Variants in SLC24A3 observed in about 807,000 individuals in gnomAD.
SLC24A3 encodes the protein solute carrier family 24 member 3.
In SLC24A3, 28 loss-of-function variants were observed where a neutral mutation model predicts 75.8. That is an observed-to-expected ratio of 0.37 (90% CI 0.27 to 0.51). SLC24A3 has a LOEUF of 0.51. Among genes scored for constraint, SLC24A3 ranks in the 20% least tolerant of loss-of-function variants. The pLI is 0.94. For missense variants in SLC24A3, 663 were observed against 847.8 expected (o/e 0.78, Z 2.71); for synonymous variants, 372 against 334.1 (o/e 1.11, Z -1.24).
chr20:19,610,590 G>A (rs573633094), intron 6 of SLC24A3, among the ~76,000 whole-genome samples: 4 of 152,178 alleles, frequency 2.6e-5, no homozygotes, highest in African/African-American at 4.8e-5. Flanking sequence ...AATTTATTTG[G>A]GATAGGATCC....
intron 2 of SLC24A3, among the ~76,000 whole-genome samples, chr20:19,428,348 C>T (rs1987047460): frequency 6.6e-6 from 1 of 152,190 alleles, no homozygotes; most frequent in African/African-American, 2.4e-5. Context: ...ACTCAATCGA[C>T]ACCGTGTTAA....
intron 2 of SLC24A3, among the ~76,000 whole-genome samples, chr20:19,353,058 G>A (rs2122327891): frequency 6.6e-6 from 1 of 152,342 alleles, no homozygotes; most frequent in Admixed American, 6.5e-5. Flanking sequence ...GTGCTATACA[G>A]GTTTGTAGCC....
At chr20:19,262,273 C>T (rs1411912547) in intron 1 of SLC24A3, among the ~76,000 whole-genome samples, 3 of 151,378 alleles carry the variant, frequency 2.0e-5, no homozygotes, top group Non-Finnish European at 4.4e-5. Context: ...GGCGTGGTGG[C>T]GGGCGCCTGT....
At chr20:19,334,520 A>G (rs1985081510) in intron 2 of SLC24A3, among the ~76,000 whole-genome samples, 1 of 152,110 alleles carries the variant, frequency 6.6e-6, no homozygotes, top group Admixed American at 6.6e-5. Flanking sequence ...CATCTTTTTC[A>G]CTGGTAAAGT....
At chr20:19,601,125 T>C (rs962221935) in intron 6 of SLC24A3, among the ~76,000 whole-genome samples, 1 of 152,244 alleles carries the variant, frequency 6.6e-6, no homozygotes, top group Non-Finnish European at 1.5e-5. Context: ...AATAGGGTTG[T>C]TGTGGTGTTG....
chr20:19,622,864 A>T (rs1315158728), intron 6 of SLC24A3, among the ~76,000 whole-genome samples: 4 of 152,192 alleles, frequency 2.6e-5, no homozygotes, highest in Non-Finnish European at 5.9e-5. Context: ...TCATGGAGGA[A>T]GGAGAAGGAG....
At chr20:19,341,507 G>A (rs768614007) in intron 2 of SLC24A3, among the ~76,000 whole-genome samples, 4 of 152,256 alleles carry the variant, frequency 2.6e-5, no homozygotes, top group East Asian at 1.9e-4. Context: ...TAAAGCCTGC[G>A]CTGTAACACC....
At chr20:19,613,557 C>T (rs2031698791) in intron 6 of SLC24A3, among the ~76,000 whole-genome samples, 1 of 152,134 alleles carries the variant, frequency 6.6e-6, no homozygotes, top group African/African-American at 2.4e-5. Context: ...CATCTATTCC[C>T]CGTTTTAATC....
At chr20:19,445,216 T>G (rs979784535) in intron 2 of SLC24A3, among the ~76,000 whole-genome samples, 11 of 152,216 alleles carry the variant, frequency 7.2e-5, no homozygotes, top group Non-Finnish European at 1.6e-4. Context: ...TATTTCTAAA[T>G]ATAACCACTG....
chr20:19,416,892 C>G (rs1004721232), intron 2 of SLC24A3, among the ~76,000 whole-genome samples: 2 of 152,130 alleles, frequency 1.3e-5, no homozygotes, highest in Non-Finnish European at 2.9e-5. Context: ...TGCCACCAGT[C>G]GTATAGCAAA....
chr20:19,608,429 A>G (rs915919176), intron 6 of SLC24A3, among the ~76,000 whole-genome samples: 3 of 152,238 alleles, frequency 2.0e-5, no homozygotes, highest in Non-Finnish European at 4.4e-5. Context: ...CAAGATCCCA[A>G]TGCATCATTC....
intron 15 of SLC24A3, among the ~76,000 whole-genome samples, chr20:19,713,622 C>G (rs536867850): frequency 2.3e-4 from 35 of 152,118 alleles, no homozygotes; most frequent in African/African-American, 8.2e-4. Flanking sequence ...GGTTCCTACC[C>G]TTGCGGTGTC....
chr20:19,543,266 G>A (rs187808305), intron 3 of SLC24A3, among the ~76,000 whole-genome samples: 11 of 152,284 alleles, frequency 7.2e-5, no homozygotes, highest in Admixed American at 2.0e-4. Flanking sequence ...TAATCCTCAC[G>A]TGGGTGTTAC....
chr20:19,658,788 C>A (rs368609824), intron 7 of SLC24A3, among the ~76,000 whole-genome samples: 1 of 152,136 alleles, frequency 6.6e-6, no homozygotes, highest in African/African-American at 2.4e-5. Flanking sequence ...AGAGCCCTTC[C>A]TTGTGCCCAT....
At chr20:19,323,834 C>T (rs1484355183) in intron 2 of SLC24A3, among the ~76,000 whole-genome samples, 2 of 152,192 alleles carry the variant, frequency 1.3e-5, no homozygotes, top group African/African-American at 4.8e-5. Context: ...TGTTCCTTTC[C>T]ATTACTCAGT....
At chr20:19,351,511 T>C (rs867411820) in intron 2 of SLC24A3, among the ~76,000 whole-genome samples, 30 of 152,298 alleles carry the variant, frequency 2.0e-4, no homozygotes, top group African/African-American at 7.2e-4. Context: ...TTGGAGAGCT[T>C]TTCCAATTTT....
At chr20:19,458,176 C>A (rs528169390) in intron 2 of SLC24A3, among the ~76,000 whole-genome samples, 4 of 152,092 alleles carry the variant, frequency 2.6e-5, no homozygotes. Flanking sequence ...AAGCTCCCCC[C>A]TCACATGCAC....
chr20:19,561,607 A>G (rs139966303), intron 3 of SLC24A3, among the ~76,000 whole-genome samples: 15 of 152,248 alleles, frequency 9.9e-5, no homozygotes, highest in African/African-American at 3.4e-4. Flanking sequence ...ATCCACTTCT[A>G]CTCAGTTGGT....
intron 9 of SLC24A3, among the ~76,000 whole-genome samples, chr20:19,676,828 T>C (rs1193621577): frequency 6.6e-6 from 1 of 152,196 alleles, no homozygotes; most frequent in Admixed American, 6.5e-5. Context: ...GTTCCCCAGA[T>C]GGGGTATGTG....
Sources: gnomAD v4.1 joint callset for allele counts (sites outside exome capture counted in the v4.1 genomes callset) on GRCh38, gnomAD v4.1.1 for gene constraint, MANE v1.5 for transcripts, NCBI Gene and HGNC (gene_info 2026-07-23, HGNC 2026-07-21) for gene names.